WWOX: variants seen among roughly 807,000 people sequenced by gnomAD.
WWOX encodes WW domain containing oxidoreductase.
Under a neutral mutation model 46.2 loss-of-function variants are expected in WWOX, and 69 were observed. That is an observed-to-expected ratio of 1.49 (90% CI 1.23 to 1.82). The LOEUF (loss-of-function observed/expected upper bound fraction) is 1.82, where lower values mean the gene tolerates loss of function less well. WWOX is among the 40% of genes most tolerant of loss of function. WWOX has a pLI of 0.00. For synonymous variants in WWOX, 359 were observed against 202.6 expected (o/e 1.77, Z -6.56); for missense variants, 919 against 542.6 (o/e 1.69, Z -6.89).
intron 5 of WWOX, among the ~76,000 whole-genome samples, chr16:78,328,113 A>G (rs977482294): frequency 3.3e-5 from 5 of 151,940 alleles, no homozygotes; most frequent in South Asian, 2.1e-4. Flanking sequence ...GCCTCATGTG[A>G]TTGCCCCAAC....
intron 8 of WWOX, among the ~76,000 whole-genome samples, chr16:78,697,716 C>T (rs1438327375): frequency 2.0e-5 from 3 of 152,252 alleles, no homozygotes; most frequent in Non-Finnish European, 4.4e-5. Flanking sequence ...AAGGTAGGCT[C>T]GGCTAAGCTA....
At chr16:78,491,621 C>A (rs1237461401) in intron 8 of WWOX, among the ~76,000 whole-genome samples, 2 of 152,126 alleles carry the variant, frequency 1.3e-5, no homozygotes, top group African/African-American at 4.8e-5. Context: ...CGCTACCACA[C>A]CTGGCTACCG....
chr16:78,753,818 A>T (rs2049551499), intron 8 of WWOX, among the ~76,000 whole-genome samples: 5 of 82,564 alleles, frequency 6.1e-5, no homozygotes, highest in African/African-American at 1.8e-4. Context: ...AAAAAAAAAA[A>T]AAAAAAAATA....
intron 8 of WWOX, among the ~76,000 whole-genome samples, chr16:78,922,638 C>T (rs1367401271): frequency 6.6e-6 from 1 of 152,170 alleles, no homozygotes; most frequent in Admixed American, 6.5e-5. Flanking sequence ...CTTGGCCTCC[C>T]AAAGTGCTGG....
At chr16:78,319,313 G>A (rs1204268607) in intron 5 of WWOX, among the ~76,000 whole-genome samples, 2 of 152,110 alleles carry the variant, frequency 1.3e-5, no homozygotes, top group African/African-American at 2.4e-5. Flanking sequence ...TTGAGACAGG[G>A]TTTTGCTCTC....
chr16:78,299,579 C>T (rs569078948), intron 5 of WWOX, among the ~76,000 whole-genome samples: 7 of 149,032 alleles, frequency 4.7e-5, no homozygotes, highest in South Asian at 2.1e-4. Context: ...AGTGCAGTGG[C>T]GAGATTGGCA....
At chr16:78,840,035 C>G (rs1346633085) in intron 8 of WWOX, among the ~76,000 whole-genome samples, 1 of 152,162 alleles carries the variant, frequency 6.6e-6, no homozygotes, top group Non-Finnish European at 1.5e-5. Flanking sequence ...GTAGAGTTAA[C>G]AAATTACTGG....
intron 8 of WWOX, among the ~76,000 whole-genome samples, chr16:78,455,365 G>A (rs1405669310): frequency 6.6e-6 from 1 of 152,048 alleles, no homozygotes; most frequent in Non-Finnish European, 1.5e-5. Context: ...TCGAGGCTAG[G>A]TGTGGTGGCT....
intron 8 of WWOX, among the ~76,000 whole-genome samples, chr16:79,118,373 G>T (rs2049561158): frequency 6.6e-6 from 1 of 151,956 alleles, no homozygotes; most frequent in South Asian, 2.1e-4. Context: ...ATGACAATGG[G>T]GACATCAAAG....
At chr16:78,854,232 A>G (rs920222683) in intron 8 of WWOX, among the ~76,000 whole-genome samples, 2 of 152,210 alleles carry the variant, frequency 1.3e-5, no homozygotes, top group Non-Finnish European at 2.9e-5. Flanking sequence ...ATGAGCTTGT[A>G]TTATAATAAA....
chr16:78,672,843 CTAAAA>C (rs1390603038), intron 8 of WWOX, among the ~76,000 whole-genome samples: 1 of 152,124 alleles, frequency 6.6e-6, no homozygotes, highest in Non-Finnish European at 1.5e-5. Context: ...TGGATTTTCA[CTAAAA>C]TAGAATCATC....
intron 8 of WWOX, among the ~76,000 whole-genome samples, chr16:78,966,336 C>T (rs903025348): frequency 8.5e-5 from 13 of 152,108 alleles, no homozygotes; most frequent in African/African-American, 2.2e-4. Context: ...TGCTTCTTTC[C>T]GTTTACTGTA....
chr16:78,603,186 C>G lies in WWOX; in HGVS notation c.1056+170434C>G, dbSNP rs541280563. Among the ~76,000 whole-genome samples, 14 of 152,324 alleles carry G rather than the reference C, an allele frequency of 9.2e-5. No individual in the cohort carries two copies. In the East Asian group the frequency reaches 2.5e-3, roughly 27 times the overall value. ...TATGCACATCATCTTCTAACAGCTT[C>G]TCTGCCACACCTGGAGAAGTGCCAA... On this transcript the variant is annotated intron_variant, in intron 8 of 8. Transcript: ENST00000566780.
chr16:79,009,874 A>G (rs1272443282), intron 8 of WWOX, among the ~76,000 whole-genome samples: 2 of 152,200 alleles, frequency 1.3e-5, no homozygotes, highest in Non-Finnish European at 1.5e-5. Context: ...GTGGTTGGAG[A>G]GAGTGAGTCC....
intron 8 of WWOX, chr16:79,101,578 C>G (rs1405265738): frequency 6.6e-6 from 1 of 152,034 alleles, no homozygotes; most frequent in Non-Finnish European, 1.5e-5. Flanking sequence ...TCTAGCATCC[C>G]TGGTGAATCT....
intron 4 of WWOX, among the ~76,000 whole-genome samples, chr16:78,121,766 A>G (rs117307926): frequency 0.018 from 2,780 of 151,322 alleles, 43 homozygotes; most frequent in Middle Eastern, 0.034. Flanking sequence ...GGGCCTGGTG[A>G]TTCTCATGTC....
intron 8 of WWOX, among the ~76,000 whole-genome samples, chr16:79,013,407 A>T (rs560222990): frequency 6.6e-6 from 1 of 151,920 alleles, no homozygotes; most frequent in Non-Finnish European, 1.5e-5. Flanking sequence ...AGTTCTGGTA[A>T]CTCTTTTATC....
At chr16:79,134,185 C>G (rs574196101) in intron 8 of WWOX, among the ~76,000 whole-genome samples, 1 of 151,066 alleles carries the variant, frequency 6.6e-6, no homozygotes, top group South Asian at 2.1e-4. Context: ...TTTTTTTTCT[C>G]TTTAATTTTC....
At chr16:78,778,997 A>T (rs2050259975) in intron 8 of WWOX, among the ~76,000 whole-genome samples, 1 of 152,190 alleles carries the variant, frequency 6.6e-6, no homozygotes, top group Admixed American at 6.5e-5. Flanking sequence ...CATCTATTTC[A>T]GGGGATGACC....
Sources: gnomAD v4.1 joint callset for allele counts (sites outside exome capture counted in the v4.1 genomes callset) on GRCh38, gnomAD v4.1.1 for gene constraint, MANE v1.5 for transcripts, NCBI Gene and HGNC (gene_info 2026-07-23, HGNC 2026-07-21) for gene names.